Variants in PREP observed in about 807,000 individuals in gnomAD.
PREP encodes the protein dJ355L5.1 (prolyl endopeptidase).
PREP carries 29 observed loss-of-function variants against 87.6 expected under a neutral mutation model. The observed-to-expected ratio is 0.33, with a 90% CI of 0.25 to 0.45. The LOEUF (loss-of-function observed/expected upper bound fraction) is 0.45, where lower values mean the gene tolerates loss of function less well. PREP is among the 20% of genes least tolerant of loss of function. PREP has a pLI of 1.00. For missense variants in PREP, 695 were observed against 886.5 expected (o/e 0.78, Z 2.74); for synonymous variants, 337 against 328.6 (o/e 1.03, Z -0.28).
intron 6 of PREP, among the ~76,000 whole-genome samples, chr6:105,357,513 T>A (rs1772130943): frequency 6.6e-6 from 1 of 152,226 alleles, no homozygotes; most frequent in Non-Finnish European, 1.5e-5. Flanking sequence ...ATTCTCTTCA[T>A]CACAATCTGG....
intron 14 of PREP, among the ~76,000 whole-genome samples, chr6:105,279,333 A>G (rs1177178455): frequency 6.6e-6 from 1 of 152,208 alleles, no homozygotes; most frequent in South Asian, 2.1e-4. Context: ...TCTTGGGCTC[A>G]GTTTCCCACC....
chr6:105,337,222 C>G (rs967370261), intron 7 of PREP, among the ~76,000 whole-genome samples: 4 of 152,204 alleles, frequency 2.6e-5, no homozygotes, highest in Non-Finnish European at 5.9e-5. Flanking sequence ...TGTGACTTTA[C>G]TGTGAACTGC....
chr6:105,315,380 C>T (rs1204348239), intron 10 of PREP, among the ~76,000 whole-genome samples: 2 of 152,120 alleles, frequency 1.3e-5, no homozygotes, highest in Non-Finnish European at 2.9e-5. Context: ...ACCACATTGC[C>T]AGGCTCATCT....
At chr6:105,365,755 C>T (rs187538619) in intron 6 of PREP, among the ~76,000 whole-genome samples, 55 of 152,152 alleles carry the variant, frequency 3.6e-4, no homozygotes, top group Non-Finnish European at 6.5e-4. Context: ...GGGAAGTCTA[C>T]GCCCACTTCT....
intron 10 of PREP, among the ~76,000 whole-genome samples, chr6:105,291,215 A>T (rs923318198): frequency 1.3e-5 from 2 of 152,248 alleles, no homozygotes; most frequent in African/African-American, 2.4e-5. Flanking sequence ...GGCTACTGAT[A>T]GATCAAGGTG....
chr6:105,365,193 G>A (rs1368612414), intron 6 of PREP, among the ~76,000 whole-genome samples: 1 of 152,256 alleles, frequency 6.6e-6, no homozygotes, highest in African/African-American at 2.4e-5. Context: ...GTTGCAGCGA[G>A]CCGAAATCAT....
chr6:105,311,792 CAG>C (rs1340154540), intron 10 of PREP, among the ~76,000 whole-genome samples: 17 of 152,318 alleles, frequency 1.1e-4, no homozygotes, highest in African/African-American at 4.1e-4. Context: ...TCAATGCTGA[CAG>C]AGAATTTCTG....
At chr6:105,394,941 TGTTTGGGAC>T (rs1043128205) in intron 2 of PREP, among the ~76,000 whole-genome samples, 4 of 135,014 alleles carry the variant, frequency 3.0e-5, no homozygotes, top group Non-Finnish European at 6.1e-5. Flanking sequence ...GAAAAGTGCT[TGTTTGGGAC>T]ATTTGGGACA....
intron 6 of PREP, among the ~76,000 whole-genome samples, chr6:105,364,566 G>C (rs1489362978): frequency 6.6e-6 from 1 of 152,084 alleles, no homozygotes; most frequent in Non-Finnish European, 1.5e-5. Context: ...CTGCCCACAG[G>C]GTTCCTCCAC....
At chr6:105,302,511 T>G (rs1288584164) in intron 10 of PREP, 1 of 381,110 alleles carries the variant, frequency 2.6e-6, no homozygotes, top group Non-Finnish European at 5.2e-6. Context: ...CGGCTGCTGC[T>G]TGGTCTTCAG....
At chr6:105,393,234 C>T (rs1773203081) in intron 2 of PREP, among the ~76,000 whole-genome samples, 1 of 152,074 alleles carries the variant, frequency 6.6e-6, no homozygotes, top group Admixed American at 6.6e-5. Context: ...ACATCTGTAG[C>T]TCTTTTATAA....
At chr6:105,316,644 A>G (rs1770877290) in intron 10 of PREP, among the ~76,000 whole-genome samples, 1 of 152,240 alleles carries the variant, frequency 6.6e-6, no homozygotes, top group African/African-American at 2.4e-5. Flanking sequence ...TGTATGACAT[A>G]AATAAACTAA....
intron 6 of PREP, among the ~76,000 whole-genome samples, chr6:105,361,554 A>T (rs1226587808): frequency 6.6e-6 from 1 of 152,198 alleles, no homozygotes; most frequent in Non-Finnish European, 1.5e-5. Flanking sequence ...ATAATAAAAG[A>T]ATTAGTTGCA....
chr6:105,383,690 T>A (rs926853513), intron 2 of PREP, among the ~76,000 whole-genome samples: 2 of 152,110 alleles, frequency 1.3e-5, no homozygotes, highest in African/African-American at 4.8e-5. Context: ...TGTGGGTAAA[T>A]CAACTCGTTC....
intron 6 of PREP, among the ~76,000 whole-genome samples, chr6:105,357,501 T>C (rs80006397): frequency 1.3e-5 from 2 of 152,356 alleles, no homozygotes; most frequent in East Asian, 3.9e-4. Flanking sequence ...CTCTTCATTA[T>C]AATTCTCTTC....
chr6:105,364,478 T>C (rs940138092), intron 6 of PREP, among the ~76,000 whole-genome samples: 1 of 152,134 alleles, frequency 6.6e-6, no homozygotes, highest in African/African-American at 2.4e-5. Context: ...TCAGTGAACT[T>C]GGACTGCGGC....
intron 2 of PREP, among the ~76,000 whole-genome samples, chr6:105,393,387 A>C (rs1583106882): frequency 6.6e-6 from 1 of 152,112 alleles, no homozygotes; most frequent in Non-Finnish European, 1.5e-5. Flanking sequence ...TCTCAAAAAC[A>C]GGGGCGGGGC....
At chr6:105,336,162 A>C (rs1313249829) in intron 7 of PREP, among the ~76,000 whole-genome samples, 1 of 152,216 alleles carries the variant, frequency 6.6e-6, no homozygotes, top group Non-Finnish European at 1.5e-5. Context: ...TGAGAGGCTG[A>C]GGCAAGAGAA....
At chr6:105,378,000 C>T (rs1334779671) in intron 2 of PREP, among the ~76,000 whole-genome samples, 7 of 152,120 alleles carry the variant, frequency 4.6e-5, no homozygotes, top group Non-Finnish European at 7.4e-5. Context: ...GCCATGGTTC[C>T]GGGATTCTTA....
Sources: gnomAD v4.1 joint callset for allele counts (sites outside exome capture counted in the v4.1 genomes callset) on GRCh38, gnomAD v4.1.1 for gene constraint, MANE v1.5 for transcripts, NCBI Gene and HGNC (gene_info 2026-07-23, HGNC 2026-07-21) for gene names.